TANC1: variants seen among roughly 807,000 people sequenced by gnomAD.
The protein encoded by TANC1 is protein TANC1.
TANC1 carries 77 observed loss-of-function variants against 149.7 expected under a neutral mutation model. The ratio of observed to expected loss-of-function variants is 0.51; its 90% CI spans 0.43 to 0.62. TANC1 has a LOEUF of 0.62. Among genes scored for constraint, TANC1 ranks in the 20% least tolerant of loss-of-function variants. The pLI, the probability that TANC1 is intolerant of heterozygous loss-of-function variation, is 0.00. For missense variants in TANC1, 1,985 were observed against 2,321.8 expected (o/e 0.85, Z 2.98); for synonymous variants, 854 against 925.0 (o/e 0.92, Z 1.39).
intron 8 of TANC1, among the ~76,000 whole-genome samples, chr2:159,166,470 G>GGT (rs59852289): frequency 0.052 from 7,868 of 150,838 alleles, 217 homozygotes; most frequent in Middle Eastern, 0.059. Context: ...TGTTAGATAT[G>GGT]GTGTGTGTGT....
chr2:159,222,782 G>A (rs138647637), intron 22 of TANC1, among the ~76,000 whole-genome samples: 78 of 152,284 alleles, frequency 5.1e-4, no homozygotes, highest in Non-Finnish European at 1.0e-3. Context: ...CTCATATAGT[G>A]ATTGTATTTT....
intron 2 of TANC1, among the ~76,000 whole-genome samples, chr2:159,018,791 A>G (rs557071918): frequency 6.6e-6 from 1 of 152,342 alleles, no homozygotes; most frequent in African/African-American, 2.4e-5. Flanking sequence ...GTATCTGTAT[A>G]GCTTCTACTA....
chr2:159,146,483 C>T (rs1308909810), intron 5 of TANC1, among the ~76,000 whole-genome samples: 1 of 151,652 alleles, frequency 6.6e-6, no homozygotes, highest in Non-Finnish European at 1.5e-5. Context: ...GCAGCAAAGT[C>T]CAGGTTGTGC....
intron 1 of TANC1, among the ~76,000 whole-genome samples, chr2:158,971,849 A>G (rs2032932638): frequency 6.6e-6 from 1 of 152,162 alleles, no homozygotes; most frequent in East Asian, 1.9e-4. Context: ...GTTAAATTAG[A>G]CCTGTATCAT....
chr2:159,170,478 A>G (rs1005711008), intron 9 of TANC1, 46 bp from the exon 10 acceptor site: 1 of 1,522,358 alleles, frequency 6.6e-7, no homozygotes, highest in Non-Finnish European at 8.9e-7. Context: ...TTCTTAGTTT[A>G]TAAAATTATG....
intron 1 of TANC1, 51 bp downstream of exon 1, chr2:158,968,833 T>C (rs2032348649): frequency 6.6e-6 from 1 of 152,346 alleles, no homozygotes; most frequent in African/African-American, 2.4e-5. Context: ...GCCCCGGGCA[T>C]GGCCAGCTGC....
At chr2:159,213,474 GCTAATGGTATTTATGTCAGTTTTA>G (rs1262560422) in intron 19 of TANC1, among the ~76,000 whole-genome samples, 1 of 151,434 alleles carries the variant, frequency 6.6e-6, no homozygotes, top group Non-Finnish European at 1.5e-5. Context: ...ATACCATTCT[GCTAATGGTATTTATGTCAGTTTTA>G]CATACCGACA....
intron 3 of TANC1, among the ~76,000 whole-genome samples, chr2:159,085,135 C>T (rs1192089622): frequency 6.6e-6 from 1 of 152,174 alleles, no homozygotes; most frequent in Non-Finnish European, 1.5e-5. Flanking sequence ...TCTGGGAAGA[C>T]TGGGTGAGTC....
intron 3 of TANC1, among the ~76,000 whole-genome samples, chr2:159,089,862 C>T (rs943349259): frequency 1.2e-4 from 18 of 152,320 alleles, no homozygotes; most frequent in East Asian, 7.7e-4. Context: ...AGCTTGCCTC[C>T]GAGCAGTGCC....
rs189569503 is a variant in TANC1 at position 159,159,399 on chromosome 2, C to A, written c.683-3884C>A. Reference sequence around the variant, plus strand: ...AGGCTGCAGTGAGCCGAGATAGCACCACTGCACTCCAGCCTGGGCAAGAGA... The same window carrying A: ...AGGCTGCAGTGAGCCGAGATAGCACAACTGCACTCCAGCCTGGGCAAGAGA... On this transcript the variant is annotated intron_variant, in intron 7 of 26. Coordinates refer to ENST00000263635, the MANE Select transcript of TANC1 (RefSeq NM_033394.3). Among the ~76,000 whole-genome samples the A allele has an allele frequency of 1.4e-3, 211 of 149,558 alleles. 1 individual carries two copies. Among genetic ancestry groups the A allele is most frequent in the African/African-American group, 5.1e-3 (207 of 40,326 alleles).
At chr2:159,078,264 A>G (rs1298448244) in intron 3 of TANC1, among the ~76,000 whole-genome samples, 2 of 152,168 alleles carry the variant, frequency 1.3e-5, no homozygotes, top group Non-Finnish European at 2.9e-5. Context: ...TAAAATTTAA[A>G]TTTCTTACTC....
At chr2:159,074,997 C>T (rs762704896) in intron 3 of TANC1, among the ~76,000 whole-genome samples, 81 of 152,082 alleles carry the variant, frequency 5.3e-4, no homozygotes, top group Non-Finnish European at 1.1e-3. Context: ...CTCCCAAAGG[C>T]CCCATCTCCC....
chr2:159,100,278 A>C (rs1332780469), intron 4 of TANC1, among the ~76,000 whole-genome samples: 3 of 152,174 alleles, frequency 2.0e-5, no homozygotes, highest in African/African-American at 4.8e-5. Context: ...TCAGTGTTTT[A>C]GTGGGACTTT....
At chr2:159,216,157 C>T (rs1335069518) in intron 19 of TANC1, among the ~76,000 whole-genome samples, 1 of 152,112 alleles carries the variant, frequency 6.6e-6, no homozygotes, top group Non-Finnish European at 1.5e-5. Flanking sequence ...CGTTAATGAG[C>T]CTGGTTACTA....
At chr2:159,059,744 A>G (rs2042093621) in intron 2 of TANC1, among the ~76,000 whole-genome samples, 1 of 151,930 alleles carries the variant, frequency 6.6e-6, no homozygotes, top group African/African-American at 2.4e-5. Flanking sequence ...GGAATGTCAA[A>G]AACTCATCAA....
chr2:159,205,705 C>T (rs964574952), intron 19 of TANC1, among the ~76,000 whole-genome samples: 1 of 152,220 alleles, frequency 6.6e-6, no homozygotes, highest in Non-Finnish European at 1.5e-5. Flanking sequence ...ATGATACAAT[C>T]ACCTAACGAC....
intron 19 of TANC1, among the ~76,000 whole-genome samples, chr2:159,203,199 C>CTTTT (rs756888144): frequency 2.7e-5 from 3 of 111,612 alleles, no homozygotes; most frequent in African/African-American, 8.0e-5. Context: ...ATTCGATAGG[C>CTTTT]TTTTCTTTTC....
intron 2 of TANC1, among the ~76,000 whole-genome samples, chr2:159,064,256 T>G (rs1159487272): frequency 6.6e-6 from 1 of 152,166 alleles, no homozygotes; most frequent in Non-Finnish European, 1.5e-5. Flanking sequence ...CCTTCCAACT[T>G]TAGTGTTTGC....
Position 159,102,984 on chromosome 2 carries a change from C to T in TANC1, c.259+5150C>T, listed in dbSNP as rs1349135878. On this transcript the variant is annotated intron_variant, in intron 4 of 26. Transcript: ENST00000263635. The stretch of plus-strand genomic sequence containing the variant: ...CCGCCCACCTTGGCCTCCCAGAGTG[C>T]TGGGATTACAGGCATGAGCCACCCC... Among the ~76,000 whole-genome samples, 35 of 92,656 alleles carry T rather than the reference C, an allele frequency of 3.8e-4. 6 individuals are homozygous for T. The highest frequency in any genetic ancestry group is 8.9e-4 in the African/African-American group (30 of 33,542). The allele number at this position is 92,656 out of a possible 152,430, so 60.8% of individuals were successfully genotyped here. A position where few individuals can be genotyped will look rare whatever the true frequency, so the allele number is the denominator to read the frequency against.
Sources: gnomAD v4.1 joint callset for allele counts (sites outside exome capture counted in the v4.1 genomes callset) on GRCh38, gnomAD v4.1.1 for gene constraint, MANE v1.5 for transcripts, NCBI Gene and HGNC (gene_info 2026-07-23, HGNC 2026-07-21) for gene names.